SEMA3A: variants seen among roughly 807,000 people sequenced by gnomAD.
SEMA3A encodes semaphorin 3A.
Under a neutral mutation model 97.9 loss-of-function variants are expected in SEMA3A, and 29 were observed. That is an observed-to-expected ratio of 0.30 (90% confidence interval 0.22 to 0.40). The LOEUF is 0.40. Ranked by LOEUF, SEMA3A falls within the 10% of genes least tolerant of loss-of-function variation. The probability of loss-of-function intolerance (pLI) is 1.00; values close to 1 mark genes in which losing one functional copy is unlikely to be tolerated. For missense variants in SEMA3A, 763 were observed against 951.3 expected (o/e 0.80, Z 2.60); for synonymous variants, 321 against 323.7 (o/e 0.99, Z 0.09).
chr7:84,072,414 T>C (rs1793773766), intron 4 of SEMA3A, among the ~76,000 whole-genome samples: 1 of 152,038 alleles, frequency 6.6e-6, no homozygotes, highest in Admixed American at 6.6e-5. Context: ...TCCTGACTGT[T>C]TTTGCTCAAT....
intron 3 of SEMA3A, among the ~76,000 whole-genome samples, chr7:84,287,276 T>C (rs1437473246): frequency 1.3e-5 from 2 of 152,120 alleles, no homozygotes; most frequent in African/African-American, 4.8e-5. Flanking sequence ...AATTATGAAA[T>C]AATTATCTCA....
chr7:84,170,437 C>T (rs915043490), intron 1 of SEMA3A, among the ~76,000 whole-genome samples: 1 of 151,912 alleles, frequency 6.6e-6, no homozygotes, highest in Non-Finnish European at 1.5e-5. Context: ...AATAACTCTA[C>T]ACTTTAACAA....
At position 84,208,634 on chromosome 7, in the gene SEMA3A, T is replaced by C. The variant is rs1798556160; in HGVS notation, c.-82-13966A>G. ...TGTTATCTTTTAAAAAGTATTTAAT[T>C]AAGCTGAGGTAGTTTCCAGTAATGT... is the stretch of plus-strand genomic sequence containing the variant. On this transcript the variant is annotated intron_variant, in intron 3 of 3. Transcript: ENST00000424555. 1.3e-5 allele frequency among the ~76,000 whole-genome samples: 2 copies of C among 152,214 alleles called. 1 individual carries two copies. Among genetic ancestry groups the C allele is most frequent in the South Asian group, 4.1e-4 (2 of 4,832 alleles).
chr7:84,390,509 C>T (rs75565674), intron 1 of SEMA3A, among the ~76,000 whole-genome samples: 2,153 of 151,646 alleles, frequency 0.014, 27 homozygotes, highest in Non-Finnish European at 0.023. Context: ...TCTGTTTTTT[C>T]CCTGAAGTGC....
At chr7:84,420,847 AT>A (rs1804570886) in intron 1 of SEMA3A, among the ~76,000 whole-genome samples, 1 of 151,970 alleles carries the variant, frequency 6.6e-6, no homozygotes, top group South Asian at 2.1e-4. Flanking sequence ...TCCTTTTATC[AT>A]TTTTTATTGT....
chr7:84,214,744 G>C (rs1175312803), intron 3 of SEMA3A, among the ~76,000 whole-genome samples: 1 of 150,516 alleles, frequency 6.6e-6, no homozygotes, highest in Non-Finnish European at 1.5e-5. Context: ...TGTCGCCCAG[G>C]CTGGAGTGCA....
At chr7:84,062,951 C>A (rs1482576317) in intron 4 of SEMA3A, among the ~76,000 whole-genome samples, 3 of 151,974 alleles carry the variant, frequency 2.0e-5, no homozygotes, top group Non-Finnish European at 2.9e-5. Flanking sequence ...TCTGTAGGCT[C>A]CACCTCTGGG....
chr7:84,391,802 T>G (rs1177820233), intron 1 of SEMA3A, among the ~76,000 whole-genome samples: 1 of 151,896 alleles, frequency 6.6e-6, no homozygotes, highest in Non-Finnish European at 1.5e-5. Context: ...AAAACTGCCT[T>G]CTCTACAAAA....
chr7:84,243,343 A>G (rs529275021), intron 3 of SEMA3A, among the ~76,000 whole-genome samples: 16 of 152,320 alleles, frequency 1.1e-4, no homozygotes, highest in African/African-American at 3.8e-4. Context: ...TGGTCCATTC[A>G]GGGATTCGAC....
At chr7:84,036,826 G>C (rs1791957156) in intron 6 of SEMA3A, among the ~76,000 whole-genome samples, 1 of 151,866 alleles carries the variant, frequency 6.6e-6, no homozygotes, top group African/African-American at 2.4e-5. Context: ...AGTATTCTTA[G>C]GAATTAATAT....
chr7:84,351,244 A>C (rs1300028293), intron 2 of SEMA3A, among the ~76,000 whole-genome samples: 2 of 152,102 alleles, frequency 1.3e-5, no homozygotes, highest in African/African-American at 4.8e-5. Flanking sequence ...CGTCTTTCCC[A>C]TCATAACATC....
chr7:84,253,555 T>C (rs1799655231), intron 3 of SEMA3A, among the ~76,000 whole-genome samples: 1 of 152,216 alleles, frequency 6.6e-6, no homozygotes, highest in South Asian at 2.1e-4. Context: ...GCATAATGTA[T>C]GTATTCCATA....
chr7:84,218,690 G>A lies in SEMA3A; in HGVS notation c.-82-24022C>T, dbSNP rs559753793. 6.6e-5 allele frequency among the ~76,000 whole-genome samples: 10 copies of A among 152,132 alleles called. 1 individual carries two copies. In the South Asian group the frequency reaches 2.1e-3, roughly 32 times the overall value. ...ATAAATAATGCATTGGTGATAGGTAGGGATTTCAACTGAGTATGGTAATAT... is the reference window on the plus strand; with the variant it reads ...ATAAATAATGCATTGGTGATAGGTAAGGATTTCAACTGAGTATGGTAATAT... On this transcript the variant is annotated intron_variant, in intron 3 of 3. Transcript: ENST00000424555.
chr7:84,091,222 G>GAAAGA (rs1208872913), intron 4 of SEMA3A, among the ~76,000 whole-genome samples: 1 of 59,604 alleles, frequency 1.7e-5, no homozygotes, highest in African/African-American at 5.5e-5. Context: ...GAAAAGAAAA[G>GAAAGA]AAAGAAAAGA....
chr7:84,488,058 T>C (rs1806623403), intron 1 of SEMA3A, among the ~76,000 whole-genome samples: 1 of 151,988 alleles, frequency 6.6e-6, no homozygotes, highest in African/African-American at 2.4e-5. Flanking sequence ...AAAAATAAAA[T>C]GAAATCTCTC....
At chr7:84,488,131 A>T (rs1179687837) in intron 1 of SEMA3A, among the ~76,000 whole-genome samples, 1 of 152,092 alleles carries the variant, frequency 6.6e-6, no homozygotes, top group African/African-American at 2.4e-5. Flanking sequence ...AAAATAAAAG[A>T]TATAAGTTTT....
At chr7:83,991,875 G>C (rs1415288545) in intron 12 of SEMA3A, among the ~76,000 whole-genome samples, 1 of 145,904 alleles carries the variant, frequency 6.9e-6, no homozygotes. Flanking sequence ...CTATTGATTG[G>C]AATAGTTTCA....
intron 3 of SEMA3A, among the ~76,000 whole-genome samples, chr7:84,233,505 A>G (rs1476741793): frequency 6.6e-6 from 1 of 152,042 alleles, no homozygotes; most frequent in Non-Finnish European, 1.5e-5. Flanking sequence ...ATTCACAACT[A>G]TGCAATTTTT....
intron 4 of SEMA3A, among the ~76,000 whole-genome samples, chr7:84,104,438 T>A (rs1367737993): frequency 6.6e-6 from 1 of 152,118 alleles, no homozygotes; most frequent in African/African-American, 2.4e-5. Context: ...AAAAAAGCTG[T>A]CAAGTATTAT....
Sources: allele counts gnomAD v4.1 joint callset (sites outside exome capture counted in the v4.1 genomes callset), GRCh38; gene constraint gnomAD v4.1.1; transcripts MANE v1.5; gene names NCBI Gene and HGNC (gene_info 2026-07-23, HGNC 2026-07-21).